NRXN3: variants seen among roughly 807,000 people sequenced by gnomAD.
NRXN3 encodes neurexin III.
NRXN3 carries 32 observed loss-of-function variants against 137.6 expected under a neutral mutation model. That is an observed-to-expected ratio of 0.23 (90% CI 0.18 to 0.31). NRXN3 has a LOEUF of 0.31. NRXN3 is among the 10% of genes least tolerant of loss of function. The pLI, the probability that NRXN3 is intolerant of heterozygous loss-of-function variation, is 1.00. For synonymous variants in NRXN3, 798 were observed against 784.5 expected (o/e 1.02, Z -0.29); for missense variants, 1,574 against 2,062.5 (o/e 0.76, Z 4.59).
chr14:78,481,523 A>G (rs546843738), intron 4 of NRXN3, among the ~76,000 whole-genome samples: 1 of 152,294 alleles, frequency 6.6e-6, no homozygotes, highest in East Asian at 1.9e-4. Context: ...CAATGGACTT[A>G]TCTGCTGTCA....
intron 15 of NRXN3, among the ~76,000 whole-genome samples, chr14:79,276,756 T>A (rs193226092): frequency 3.3e-5 from 5 of 150,332 alleles, no homozygotes; most frequent in South Asian, 4.2e-4. Flanking sequence ...AGGTGGTCAG[T>A]TTATCAACTC....
chr14:79,080,959 A>G (rs1356219591), intron 15 of NRXN3, among the ~76,000 whole-genome samples: 3 of 151,984 alleles, frequency 2.0e-5, no homozygotes, highest in African/African-American at 4.8e-5. Context: ...TCCCTCCCCC[A>G]TTAACTTTTT....
chr14:78,684,438 T>A (rs1036515089), intron 6 of NRXN3, among the ~76,000 whole-genome samples: 6 of 152,214 alleles, frequency 3.9e-5, no homozygotes, highest in Non-Finnish European at 5.9e-5. Context: ...TTGTATTTCT[T>A]CTGAGACACC....
intron 17 of NRXN3, among the ~76,000 whole-genome samples, chr14:79,685,224 A>G (rs2098689914): frequency 6.6e-6 from 1 of 152,196 alleles, no homozygotes; most frequent in Admixed American, 6.5e-5. Context: ...AACATGCTTT[A>G]TATACATTTC....
chr14:78,248,316 C>CACA (rs1555426498), intron 2 of NRXN3, among the ~76,000 whole-genome samples: 1 of 108,318 alleles, frequency 9.2e-6, no homozygotes, highest in African/African-American at 3.2e-5. Flanking sequence ...CCCCCCCCCC[C>CACA]ACCCGCCACC....
intron 4 of NRXN3, among the ~76,000 whole-genome samples, chr14:78,545,001 A>G (rs10144398): frequency 0.67 from 101,216 of 152,066 alleles, 34,025 homozygotes; most frequent in Non-Finnish European, 0.71. Context: ...AGGCTGCAGC[A>G]GAGCCTGATT....
intron 16 of NRXN3, among the ~76,000 whole-genome samples, chr14:79,539,915 G>A (rs1328435381): frequency 6.6e-6 from 1 of 151,856 alleles, no homozygotes; most frequent in East Asian, 1.9e-4. Flanking sequence ...TCTTTACCTC[G>A]TCGTCTTGCT....
intron 4 of NRXN3, among the ~76,000 whole-genome samples, chr14:78,454,118 T>C (rs762351695): frequency 1.2e-4 from 19 of 152,220 alleles, no homozygotes; most frequent in Non-Finnish European, 2.1e-4. Flanking sequence ...CCAGGCACAA[T>C]ACCAGATCCT....
At position 78,702,451 on chromosome 14, in the gene NRXN3, C is replaced by CTTTTCT. The variant is rs151197180; in HGVS notation, c.1222-6764_1222-6763insTTCTTT. 7.3e-5 allele frequency among the ~76,000 whole-genome samples: 9 copies of CTTTTCT among 122,708 alleles called. 3 individuals are homozygous for CTTTTCT. The highest frequency in any genetic ancestry group is 1.2e-4 in the African/African-American group (4 of 32,814). 80.5% of individuals were successfully genotyped at this position (122,708 alleles called of 152,430 possible). On this transcript the variant is annotated intron_variant, in intron 6 of 20. Transcript: ENST00000335750. ...AAGAGAGAATCTTTCTTTTTCTTTT[C>CTTTTCT]TTATTTTTTTTGAGATGGAGTCTCA...
intron 15 of NRXN3, among the ~76,000 whole-genome samples, chr14:79,010,614 G>A (rs891416463): frequency 6.6e-6 from 1 of 152,094 alleles, no homozygotes; most frequent in African/African-American, 2.4e-5. Context: ...ACATTAAAGA[G>A]AATAAGTATA....
At chr14:79,277,803 C>A (rs916442432) in intron 15 of NRXN3, among the ~76,000 whole-genome samples, 1 of 152,186 alleles carries the variant, frequency 6.6e-6, no homozygotes, top group African/African-American at 2.4e-5. Flanking sequence ...TCCTGGGGGG[C>A]TGTGGATCCT....
At chr14:78,584,866 A>G (rs1193504287) in intron 4 of NRXN3, among the ~76,000 whole-genome samples, 26 of 152,146 alleles carry the variant, frequency 1.7e-4, no homozygotes, top group Admixed American at 1.7e-3. Context: ...TCAATTTGCA[A>G]GAGTGGTTGC....
chr14:79,044,854 G>A (rs1287276090), intron 15 of NRXN3, among the ~76,000 whole-genome samples: 1 of 144,910 alleles, frequency 6.9e-6, no homozygotes, highest in African/African-American at 2.6e-5. Flanking sequence ...TCCCACTCCT[G>A]CTATAACCAT....
At chr14:79,044,773 T>G (rs2099630458) in intron 15 of NRXN3, among the ~76,000 whole-genome samples, 1 of 151,474 alleles carries the variant, frequency 6.6e-6, no homozygotes, top group African/African-American at 2.4e-5. Flanking sequence ...GCTCAGTGGT[T>G]CCATATACTA....
At chr14:79,209,900 G>A (rs1392413231) in intron 15 of NRXN3, among the ~76,000 whole-genome samples, 3 of 152,168 alleles carry the variant, frequency 2.0e-5, no homozygotes, top group Admixed American at 2.0e-4. Flanking sequence ...TGCATATGGG[G>A]CAAAGCAATA....
intron 15 of NRXN3, among the ~76,000 whole-genome samples, chr14:79,394,261 CAAT>C (rs2094947091): frequency 6.6e-6 from 1 of 152,134 alleles, no homozygotes; most frequent in Admixed American, 6.5e-5. Context: ...GTGCAAATAA[CAAT>C]GATGATAATA....
intron 10 of NRXN3, among the ~76,000 whole-genome samples, chr14:78,951,128 A>G (rs776699775): frequency 6.6e-6 from 1 of 152,170 alleles, no homozygotes; most frequent in Non-Finnish European, 1.5e-5. Context: ...TTTAGCCTAA[A>G]TCATTTTCAT....
At chr14:79,771,451 G>A (rs1283665423) in intron 19 of NRXN3, among the ~76,000 whole-genome samples, 1 of 151,984 alleles carries the variant, frequency 6.6e-6, no homozygotes, top group Non-Finnish European at 1.5e-5. Context: ...TTCATCCCTG[G>A]GATGCAAGGC....
intron 4 of NRXN3, among the ~76,000 whole-genome samples, chr14:78,350,749 A>G (rs914079327): frequency 6.6e-6 from 1 of 152,118 alleles, no homozygotes; most frequent in Non-Finnish European, 1.5e-5. Flanking sequence ...GAAGGGATGA[A>G]AGTCTGAGCT....
Sources: gnomAD v4.1 joint callset for allele counts (sites outside exome capture counted in the v4.1 genomes callset) on GRCh38, gnomAD v4.1.1 for gene constraint, MANE v1.5 for transcripts, NCBI Gene and HGNC (gene_info 2026-07-23, HGNC 2026-07-21) for gene names.